Variants in NRXN2 observed in about 807,000 individuals in gnomAD.
The protein encoded by NRXN2 is neurexin-2-beta.
Under a neutral mutation model 128.8 loss-of-function variants are expected in NRXN2, and 29 were observed. The ratio of observed to expected loss-of-function variants is 0.23; its 90% CI spans 0.17 to 0.31. NRXN2 has a LOEUF of 0.31. NRXN2 is among the 10% of genes least tolerant of loss of function. The probability of loss-of-function intolerance (pLI) is 1.00; values close to 1 mark genes in which losing one functional copy is unlikely to be tolerated. For synonymous variants in NRXN2, 1,098 were observed against 1,075.2 expected (o/e 1.02, Z -0.41); for missense variants, 1,881 against 2,452.6 (o/e 0.77, Z 4.92).
At chr11:64,640,762 C>T (rs750975906) in intron 17 of NRXN2, among the ~76,000 whole-genome samples, 4 of 151,832 alleles carry the variant, frequency 2.6e-5, no homozygotes, top group African/African-American at 9.7e-5. Context: ...GAAGAGAAAA[C>T]GGAAGCATGA....
intron 19 of NRXN2, among the ~76,000 whole-genome samples, chr11:64,628,180 T>C (rs1269594427): frequency 4.6e-5 from 7 of 152,228 alleles, no homozygotes; most frequent in Non-Finnish European, 2.9e-5. Flanking sequence ...GCCATTCTAG[T>C]GTTTAATGAC....
Position 64,608,059 on chromosome 11 carries a change from T to A in NRXN2, c.4276A>T (p.Ile1426Phe). 1 of 1,584,022 alleles carries A rather than the reference T, an allele frequency of 6.3e-7. No homozygotes were observed. The highest frequency in any genetic ancestry group is 1.3e-5 in the African/African-American group (1 of 74,686). Residue 1426 changes from isoleucine (I) to phenylalanine (F), a missense_variant, in exon 23 of 23, where the codon ATC becomes TTC. By Grantham distance (21) the Ile-to-Phe change is conservative. Coordinates refer to ENST00000265459, the MANE Select transcript of NRXN2 (RefSeq NM_015080.4). Reference sequence around the variant, plus strand: ...GGGGGGTCTAAGGAGTCCTCCGTGATAATGGGCAATATTAACTCTCCTCCT... The same window carrying A: ...GGGGGGTCTAAGGAGTCCTCCGTGAAAATGGGCAATATTAACTCTCCTCCT... Reference protein sequence around the residue: ...STGGELILPIITEDSLDPPPV... With the variant: ...STGGELILPIFTEDSLDPPPV...
rs2043659002 is a variant in NRXN2 at position 64,630,120 on chromosome 11, A to C, written c.3757+282T>G. On this transcript the variant is annotated intron_variant, in intron 19 of 22. Coordinates refer to ENST00000265459, the MANE Select transcript of NRXN2 (RefSeq NM_015080.4). The surrounding 1 kb of genome is among the most constrained non-coding windows in gnomAD (Gnocchi z 4.6). Reference sequence around the variant, plus strand: ...ACTTCTCCCCCCACCCCCAAACTGGACCCTGGCCTTGCAACCTTCCCAGCT... The same window carrying C: ...ACTTCTCCCCCCACCCCCAAACTGGCCCCTGGCCTTGCAACCTTCCCAGCT... Among the ~76,000 whole-genome samples the C allele has an allele frequency of 7.1e-6, 1 of 141,172 alleles. No individual in the cohort carries two copies. 92.6% of individuals were successfully genotyped at this position (141,172 alleles called of 152,430 possible). A position where few individuals can be genotyped will look rare whatever the true frequency, so the allele number is the denominator to read the frequency against.
chr11:64,695,781 T>A (rs2054423700), intron 3 of NRXN2, among the ~76,000 whole-genome samples: 1 of 151,816 alleles, frequency 6.6e-6, no homozygotes, highest in African/African-American at 2.4e-5. Context: ...GCCACTGACA[T>A]GCAGGCATCC....
rs1015698403 is a variant in NRXN2 at position 64,714,132 on chromosome 11, G to A, written c.-244-189C>T. Among the ~76,000 whole-genome samples the A allele has an allele frequency of 6.6e-6, 1 of 152,192 alleles. No homozygotes were observed. The highest frequency in any genetic ancestry group is 1.5e-5 in the Non-Finnish European group (1 of 68,034). ...GCGGATTCCGGGGGCCAGCACTTAG[G>A]AGAGATGGCACGCACTAGGGGCAGC... On this transcript the variant is annotated intron_variant, in intron 1 of 22. Coordinates refer to ENST00000265459, the MANE Select transcript of NRXN2 (RefSeq NM_015080.4). The surrounding 1 kb of genome is among the most constrained non-coding windows in gnomAD (Gnocchi z 4.5).
At chr11:64,691,133 G>A (rs1364217774) in intron 4 of NRXN2, among the ~76,000 whole-genome samples, 1 of 152,226 alleles carries the variant, frequency 6.6e-6, no homozygotes, top group Non-Finnish European at 1.5e-5. Context: ...AGACCCTGGA[G>A]CTTCCCAGAG....
intron 4 of NRXN2, among the ~76,000 whole-genome samples, chr11:64,691,636 G>A (rs1428530876): frequency 6.6e-6 from 1 of 152,154 alleles, no homozygotes; most frequent in East Asian, 1.9e-4. Context: ...TATGACAAAG[G>A]GGAGCCACAG....
chr11:64,662,671 A>G (rs1158802262), intron 9 of NRXN2, among the ~76,000 whole-genome samples: 1 of 151,894 alleles, frequency 6.6e-6, no homozygotes, highest in Admixed American at 6.6e-5. Context: ...AGTCCCAGAT[A>G]CTCAGGAGGC....
At chr11:64,614,000 A>G (rs2135283633) in intron 22 of NRXN2, among the ~76,000 whole-genome samples, 1 of 152,226 alleles carries the variant, frequency 6.6e-6, no homozygotes, top group Admixed American at 6.5e-5. Flanking sequence ...TTAGTAACAT[A>G]GTACAAGGAA....
At chr11:64,609,674 T>A (rs1274201471) in intron 22 of NRXN2, among the ~76,000 whole-genome samples, 3 of 152,174 alleles carry the variant, frequency 2.0e-5, no homozygotes, top group Admixed American at 1.3e-4. Context: ...ACCTCCTGGT[T>A]TGGGGTAGAA....
intron 17 of NRXN2, chr11:64,643,618 G>GA (rs2046153945): frequency 1.4e-5 from 2 of 146,680 alleles, no homozygotes; most frequent in Non-Finnish European, 3.0e-5. Context: ...GCGGAGAGGG[G>GA]AGGGGAAGCG....
At chr11:64,646,493 G>A (rs2135436378) in intron 17 of NRXN2, 1 of 152,308 alleles carries the variant, frequency 6.6e-6, no homozygotes, top group East Asian at 1.9e-4. Context: ...CCTCCCCCGA[G>A]GACTAAATGA....
chr11:64,684,559 T>C (rs1412077117), intron 6 of NRXN2, among the ~76,000 whole-genome samples: 1 of 151,764 alleles, frequency 6.6e-6, no homozygotes, highest in Non-Finnish European at 1.5e-5. Context: ...ATGAGAGGTA[T>C]CCCCACTAGA....
rs1438386826 is a variant in NRXN2, at chr11:64,635,586, C to G, written c.3404-134G>C. The G allele has an allele frequency of 1.0e-6, 1 of 995,464 alleles. No individual in the cohort carries two copies. The highest frequency in any genetic ancestry group is 1.5e-6 in the Non-Finnish European group (1 of 655,094). 61.7% of individuals were successfully genotyped at this position (995,464 alleles called of 1,614,324 possible). On this transcript the variant is annotated intron_variant, in intron 17 of 22. Transcript: ENST00000265459. The surrounding 1 kb of genome is among the most constrained non-coding windows in gnomAD (Gnocchi z 4.8). ...ACTTCAGCTGTGATACCCACAGCAG[C>G]CACCAGCCCTGCCACCCCAGGGAGA... is the stretch of plus-strand genomic sequence containing the variant.
intron 18 of NRXN2, among the ~76,000 whole-genome samples, chr11:64,633,802 G>C (rs919616782): frequency 5.9e-5 from 9 of 152,020 alleles, no homozygotes. Flanking sequence ...CTTGCCAGCT[G>C]CCTCTCACCA....
chr11:64,642,411 C>G (rs2045830614), intron 17 of NRXN2: 8 of 1,344,468 alleles, frequency 6.0e-6, no homozygotes, highest in Non-Finnish European at 7.8e-6. Context: ...GGCTCCGGGA[C>G]GCAAAGCAGA....
chr11:64,620,429 C>T, intron 21 of NRXN2, 57 bp from the exon 22 acceptor site: 2 of 1,360,928 alleles, frequency 1.5e-6, no homozygotes, highest in Non-Finnish European at 2.0e-6. Context: ...CAGCAGATCC[C>T]ACAGCTGCCA....
At chr11:64,629,406 G>T (rs963176976) in intron 19 of NRXN2, among the ~76,000 whole-genome samples, 7 of 152,262 alleles carry the variant, frequency 4.6e-5, no homozygotes, top group Admixed American at 3.3e-4. Context: ...CCCTGGGCCT[G>T]CATGTCAGCA....
In NRXN2 at chr11:64,653,735, T is replaced by G. The variant is rs771815957; in HGVS notation, c.2390-13A>C. ...ACGCGCAGGCAGTCTGGGGGGGCCATGGGGCGGGCAGAGGGGAAGGGGAGA... is the reference window on the plus strand; with the variant it reads ...ACGCGCAGGCAGTCTGGGGGGGCCAGGGGGCGGGCAGAGGGGAAGGGGAGA... On this transcript the variant is annotated splice_polypyrimidine_tract_variant and intron_variant, in intron 11 of 22. Coordinates refer to ENST00000265459, the MANE Select transcript of NRXN2 (RefSeq NM_015080.4). The G allele has an allele frequency of 8.9e-6, 14 of 1,574,406 alleles. No individual in the cohort carries two copies. Among genetic ancestry groups the G allele is most frequent in the South Asian group, 1.2e-5 (1 of 86,248 alleles).
Sources: allele counts gnomAD v4.1 joint callset (sites outside exome capture counted in the v4.1 genomes callset), GRCh38; gene constraint gnomAD v4.1.1; non-coding constraint Gnocchi (gnomAD v3.1); transcripts MANE v1.5; gene names NCBI Gene and HGNC (gene_info 2026-07-23, HGNC 2026-07-21).